Variants in FBXL13 observed in about 807,000 individuals in gnomAD.
FBXL13 encodes the protein F-box and leucine-rich repeat protein 13.
FBXL13 carries 67 observed loss-of-function variants against 83.6 expected under a neutral mutation model. That is an observed-to-expected ratio of 0.80 (90% CI 0.66 to 0.98). FBXL13 has a LOEUF of 0.98. Ranked by LOEUF, FBXL13 falls within the 50% of genes least tolerant of loss-of-function variation. The pLI is 0.00. For synonymous variants in FBXL13, 272 were observed against 299.5 expected (o/e 0.91, Z 0.95); for missense variants, 822 against 866.5 (o/e 0.95, Z 0.64).
intron 16 of FBXL13, among the ~76,000 whole-genome samples, chr7:102,871,991 GCTGA>G (rs1236579781): frequency 1.3e-5 from 2 of 152,050 alleles, no homozygotes; most frequent in East Asian, 3.9e-4. Context: ...AAAATGGAAG[GCTGA>G]CTATGACTAT....
chr7:103,049,899 C>T (rs1291461896), intron 2 of FBXL13: 1 of 152,126 alleles, frequency 6.6e-6, no homozygotes, highest in Non-Finnish European at 1.5e-5. Context: ...GCAAAGGTCA[C>T]CCAAATATCA....
chr7:102,853,492 A>G (rs555477829), intron 17 of FBXL13, among the ~76,000 whole-genome samples: 17 of 152,342 alleles, frequency 1.1e-4, no homozygotes, highest in Admixed American at 4.6e-4. Flanking sequence ...ACCAAAAGCA[A>G]TGGCAACAAA....
chr7:102,999,366 T>C (rs145733478), intron 6 of FBXL13, among the ~76,000 whole-genome samples: 1 of 152,216 alleles, frequency 6.6e-6, no homozygotes, highest in African/African-American at 2.4e-5. Flanking sequence ...ATCAGGGATA[T>C]TAGCCTGTGG....
At chr7:103,052,115 T>C (rs1367727627) in intron 2 of FBXL13, among the ~76,000 whole-genome samples, 2 of 152,250 alleles carry the variant, frequency 1.3e-5, no homozygotes, top group African/African-American at 4.8e-5. Context: ...CCACAATTAA[T>C]GGGAAAAATT....
intron 2 of FBXL13, among the ~76,000 whole-genome samples, chr7:103,052,230 A>C (rs1405318898): frequency 6.6e-6 from 1 of 152,244 alleles, no homozygotes; most frequent in Non-Finnish European, 1.5e-5. Context: ...TATGAAAAAA[A>C]GTAAAACCAA....
chr7:103,064,223 A>AG (rs1798182799), intron 1 of FBXL13, among the ~76,000 whole-genome samples: 1 of 152,164 alleles, frequency 6.6e-6, no homozygotes, highest in South Asian at 2.1e-4. Flanking sequence ...CCATGACCCT[A>AG]TACCTTCTGC....
chr7:102,824,006 T>A (rs1799200079), intron 18 of FBXL13, among the ~76,000 whole-genome samples: 2 of 152,150 alleles, frequency 1.3e-5, no homozygotes, highest in Admixed American at 1.3e-4. Flanking sequence ...AACAAGGTGA[T>A]GGAAAAGTCC....
chr7:103,068,647 G>A (rs1798624378), intron 1 of FBXL13, among the ~76,000 whole-genome samples: 1 of 152,154 alleles, frequency 6.6e-6, no homozygotes, highest in East Asian at 1.9e-4. Context: ...TAGGAAAGAG[G>A]ACAGGGCTGG....
chr7:102,954,307 A>C (rs1349761366), intron 8 of FBXL13, among the ~76,000 whole-genome samples: 1 of 152,256 alleles, frequency 6.6e-6, no homozygotes, highest in East Asian at 1.9e-4. Context: ...TCATAAGTGA[A>C]GGAGAAATAA....
chr7:102,826,683 C>T (rs1471249080), intron 18 of FBXL13, among the ~76,000 whole-genome samples: 2 of 131,988 alleles, frequency 1.5e-5, no homozygotes, highest in African/African-American at 5.6e-5. Flanking sequence ...TGTGACTGCA[C>T]CACTATACTA....
chr7:102,823,670 T>C (rs1476760564), intron 18 of FBXL13, among the ~76,000 whole-genome samples: 1 of 152,366 alleles, frequency 6.6e-6, no homozygotes, highest in East Asian at 1.9e-4. Context: ...GGAATTTTTT[T>C]CCAACTGGAT....
intron 2 of FBXL13, among the ~76,000 whole-genome samples, chr7:103,033,791 C>G (rs1794777846): frequency 6.6e-6 from 1 of 152,118 alleles, no homozygotes; most frequent in African/African-American, 2.4e-5. Context: ...CCAGCGGGTT[C>G]CCAATGCTGG....
chr7:102,956,233 G>A (rs980883122), intron 8 of FBXL13, among the ~76,000 whole-genome samples: 23 of 152,034 alleles, frequency 1.5e-4, no homozygotes, highest in Non-Finnish European at 2.4e-4. Context: ...TTCAACATAT[G>A]CAAATCAATA....
intron 6 of FBXL13, among the ~76,000 whole-genome samples, chr7:102,977,143 C>T (rs1435452351): frequency 6.6e-6 from 1 of 152,116 alleles, no homozygotes; most frequent in Non-Finnish European, 1.5e-5. Context: ...AATGGATCAT[C>T]GAATATTATG....
chr7:102,989,902 T>C (rs1387501944), intron 6 of FBXL13, among the ~76,000 whole-genome samples: 1 of 152,210 alleles, frequency 6.6e-6, no homozygotes, highest in African/African-American at 2.4e-5. Context: ...ATTCAGTGAC[T>C]CTTACTTTTC....
At chr7:102,920,507 A>T (rs1237884033) in intron 10 of FBXL13, among the ~76,000 whole-genome samples, 1 of 151,862 alleles carries the variant, frequency 6.6e-6, no homozygotes, top group Non-Finnish European at 1.5e-5. Flanking sequence ...ATGCCACCAC[A>T]CCCAACTAAT....
chr7:103,067,274 G>C (rs1237514219), intron 1 of FBXL13, among the ~76,000 whole-genome samples: 2 of 152,140 alleles, frequency 1.3e-5, no homozygotes, highest in Non-Finnish European at 2.9e-5. Context: ...CCAGGGATGG[G>C]TGTTTGTCAC....
intron 11 of FBXL13, among the ~76,000 whole-genome samples, chr7:102,903,945 T>TTTC (rs1813343137): frequency 1.4e-5 from 2 of 142,774 alleles, no homozygotes; most frequent in African/African-American, 2.6e-5. Flanking sequence ...TTTTCTTTTT[T>TTTC]TTTTTTTTTT....
chr7:103,058,079 T>C (rs999288549), intron 1 of FBXL13, among the ~76,000 whole-genome samples: 1 of 152,170 alleles, frequency 6.6e-6, no homozygotes, highest in Admixed American at 6.5e-5. Flanking sequence ...GCAATTCTCA[T>C]ACTGTTCCTC....
Sources: allele counts gnomAD v4.1 joint callset (sites outside exome capture counted in the v4.1 genomes callset), GRCh38; gene constraint gnomAD v4.1.1; transcripts MANE v1.5; gene names NCBI Gene and HGNC (gene_info 2026-07-23, HGNC 2026-07-21).